Variants in ZNF578 observed in about 807,000 individuals in gnomAD.
ZNF578 encodes Putative chemokine-related protein B42.
Under a neutral mutation model 8.3 loss-of-function variants are expected in ZNF578, and 8 were observed. The observed-to-expected ratio is 0.96, with a 90% CI of 0.56 to 1.74. ZNF578 has a LOEUF of 1.74. Ranked by LOEUF, ZNF578 falls within the 40% of genes most tolerant of loss-of-function variation. ZNF578 has a pLI of 0.00. For missense variants in ZNF578, 726 were observed against 707.5 expected (o/e 1.03, Z -0.30); for synonymous variants, 206 against 232.2 (o/e 0.89, Z 1.03).
intron 2 of ZNF578, among the ~76,000 whole-genome samples, chr19:52,465,177 CA>C: frequency 6.6e-6 from 1 of 152,232 alleles, no homozygotes; most frequent in South Asian, 2.1e-4. Context: ...TAGTAAACTG[CA>C]GGGCGAGCCT....
chr19:52,488,717 G>T (rs1428083551), intron 2 of ZNF578, among the ~76,000 whole-genome samples: 1 of 151,756 alleles, frequency 6.6e-6, no homozygotes, highest in Non-Finnish European at 1.5e-5. Context: ...CCAGGAGGCA[G>T]AGGTTGCAGT....
chr19:52,502,015 T>C lies in ZNF578; in HGVS notation c.63+107T>C, dbSNP rs976603976. 11 of 1,495,250 alleles carry C rather than the reference T, an allele frequency of 7.4e-6. No homozygotes were observed. The Admixed American group carries it at 1.7e-4, about 23-fold the overall frequency. 92.6% of individuals were successfully genotyped at this position (1,495,250 alleles called of 1,614,324 possible). A position where few individuals can be genotyped will look rare whatever the true frequency, so the allele number is the denominator to read the frequency against. The stretch of plus-strand genomic sequence containing the variant: ...ATTGTAACAGCCAGTCTTTTCTGAG[T>C]CTGAAGCATTTTGCCTGACACGTTT... On this transcript the variant is annotated intron_variant, in intron 4 of 5. Transcript: ENST00000421239.
intron 2 of ZNF578, among the ~76,000 whole-genome samples, chr19:52,465,858 C>G (rs1396547074): frequency 6.6e-6 from 1 of 152,224 alleles, no homozygotes; most frequent in Non-Finnish European, 1.5e-5. Context: ...ATCCGTCGGC[C>G]CTCCGTTTCA....
Position 52,504,692 on chromosome 19 carries a change from C to T in ZNF578, c.101C>T (p.Ser34Leu). ...LTFRDVAIEF[S>L]LAEWKFLNPA... The stretch of plus-strand genomic sequence containing the variant: ...TTCAGGGATGTGGCTATAGAATTCT[C>T]ATTGGCAGAGTGGAAATTCCTGAAC... The change falls in exon 5 of 6, where the codon TCA becomes TTA. Residue 34 changes from serine (S) to leucine (L), a missense_variant. By Grantham distance (145) the Ser-to-Leu change is moderately radical. Transcript: ENST00000421239. 1 of 1,614,100 alleles carries T rather than the reference C, an allele frequency of 6.2e-7. No individual in the cohort carries two copies. Among genetic ancestry groups the T allele is most frequent in the Non-Finnish European group, 8.5e-7 (1 of 1,180,014 alleles).
At chr19:52,465,801 C>T (rs1271858912) in intron 2 of ZNF578, among the ~76,000 whole-genome samples, 1 of 152,216 alleles carries the variant, frequency 6.6e-6, no homozygotes, top group Non-Finnish European at 1.5e-5. Flanking sequence ...CTGAGTGCCT[C>T]GCTTACCTGC....
intron 5 of ZNF578, among the ~76,000 whole-genome samples, chr19:52,505,134 A>T (rs1599912980): frequency 6.6e-6 from 1 of 152,210 alleles, no homozygotes; most frequent in East Asian, 1.9e-4. Flanking sequence ...TGATCCGCCC[A>T]CCTTGGCCTC....
intron 3 of ZNF578, among the ~76,000 whole-genome samples, chr19:52,493,530 A>C (rs535520610): frequency 9.2e-5 from 14 of 152,146 alleles, no homozygotes; most frequent in African/African-American, 2.7e-4. Context: ...CGAGGGAGAA[A>C]CACAGCAGGG....
At chr19:52,466,732 G>A (rs1483087780) in intron 2 of ZNF578, among the ~76,000 whole-genome samples, 1 of 151,252 alleles carries the variant, frequency 6.6e-6, no homozygotes, top group Non-Finnish European at 1.5e-5. Flanking sequence ...GTGCATGGAT[G>A]AGCAAGCCCA....
At chr19:52,467,852 G>A (rs1438338363) in intron 2 of ZNF578, among the ~76,000 whole-genome samples, 1 of 151,996 alleles carries the variant, frequency 6.6e-6, no homozygotes, top group Non-Finnish European at 1.5e-5. Flanking sequence ...AAGATAGAAT[G>A]CCTAAAACAT....
At chr19:52,464,485 G>T (rs1599882672) in intron 2 of ZNF578, among the ~76,000 whole-genome samples, 3 of 152,200 alleles carry the variant, frequency 2.0e-5, no homozygotes, top group Middle Eastern at 6.8e-3. Context: ...GGTTTTTAAA[G>T]AATTTTTTCT....
At chr19:52,459,563 T>C (rs1381795927) in intron 2 of ZNF578, among the ~76,000 whole-genome samples, 1 of 149,906 alleles carries the variant, frequency 6.7e-6, no homozygotes, top group African/African-American at 2.5e-5. Flanking sequence ...TGAGCAGGGA[T>C]TTGCAAATAT....
chr19:52,489,336 C>T (rs77093835), intron 2 of ZNF578, among the ~76,000 whole-genome samples: 5,482 of 152,120 alleles, frequency 0.036, 118 homozygotes, highest in Middle Eastern at 0.12. Context: ...ACACTTGTAA[C>T]GCCAGCACTT....
intron 4 of ZNF578, among the ~76,000 whole-genome samples, chr19:52,503,593 C>G (rs1274923220): frequency 6.6e-6 from 1 of 152,064 alleles, no homozygotes; most frequent in African/African-American, 2.4e-5. Flanking sequence ...ATCCACTCAC[C>G]TCGGTCTCCC....
intron 3 of ZNF578, 130 bp from the exon 4 acceptor site, chr19:52,501,697 G>A (rs554445992): frequency 1.1e-6 from 1 of 879,488 alleles, no homozygotes; most frequent in Admixed American, 2.9e-5. Flanking sequence ...ATGTCTGCAT[G>A]ATCTCTGGTG....
chr19:52,457,639 A>T (rs1322648759), intron 2 of ZNF578: 1 of 152,028 alleles, frequency 6.6e-6, no homozygotes, highest in East Asian at 1.9e-4. Context: ...CACAGTAGAT[A>T]GTGTTGGAAT....
chr19:52,501,293 T>C (rs2059406302), intron 3 of ZNF578, among the ~76,000 whole-genome samples: 1 of 152,270 alleles, frequency 6.6e-6, no homozygotes, highest in East Asian at 1.9e-4. Flanking sequence ...CCCCTCTGAG[T>C]GGAGCTCAAC....
intron 2 of ZNF578, among the ~76,000 whole-genome samples, chr19:52,491,048 GTGGAAAAACACTCC>G (rs2059363417): frequency 6.6e-6 from 1 of 152,104 alleles, no homozygotes; most frequent in Non-Finnish European, 1.5e-5. Context: ...TAGGGTCACA[GTGGAAAAACACTCC>G]TGACTTTAGG....
At chr19:52,465,220 G>A (rs1474544792) in intron 2 of ZNF578, among the ~76,000 whole-genome samples, 1 of 152,036 alleles carries the variant, frequency 6.6e-6, no homozygotes, top group African/African-American at 2.4e-5. Context: ...GAACTGCGGG[G>A]CAGGTAATAA....
intron 2 of ZNF578, among the ~76,000 whole-genome samples, chr19:52,468,531 C>T (rs1156845000): frequency 6.6e-6 from 1 of 152,124 alleles, no homozygotes; most frequent in Non-Finnish European, 1.5e-5. Flanking sequence ...AGTTAGACTT[C>T]ATTTTGTGAT....
Sources: allele counts gnomAD v4.1 joint callset (sites outside exome capture counted in the v4.1 genomes callset), GRCh38; gene constraint gnomAD v4.1.1; transcripts MANE v1.5; gene names NCBI Gene and HGNC (gene_info 2026-07-23, HGNC 2026-07-21).